Variants in PALB2 observed in about 807,000 individuals in gnomAD.
The protein encoded by PALB2 is mutant partner and localizer of BRCA2.
Under a neutral mutation model 107.4 loss-of-function variants are expected in PALB2, and 82 were observed. The observed-to-expected ratio is 0.76, with a 90% CI of 0.64 to 0.92. The LOEUF is 0.92. Ranked by LOEUF, PALB2 falls within the 40% of genes least tolerant of loss-of-function variation. The probability of loss-of-function intolerance (pLI) is 0.00; values close to 1 mark genes in which losing one functional copy is unlikely to be tolerated. For synonymous variants in PALB2, 489 were observed against 496.8 expected (o/e 0.98, Z 0.21); for missense variants, 1,374 against 1,379.9 (o/e 1.00, Z 0.07).
rs61755166 is a variant in PALB2, at chr16:23,623,084, G to A, written c.2881C>T (p.Leu961=). 1.2e-4 allele frequency: 189 copies of A among 1,613,754 alleles called. 1 individual carries two copies. In the East Asian group the frequency reaches 4.1e-3, roughly 35 times the overall value. Residue 961 remains leucine, a synonymous_variant, in exon 9 of 13, where the codon CTG becomes TTG. Coordinates refer to ENST00000261584, the MANE Select transcript of PALB2 (RefSeq NM_024675.4). ...SDDESEKQVL[L]KSGNIKAVLG... ...ACAGCTTTTATATTTCCAGACTTCA[G>A]TAGTACTTGCTTTTCACTTTCATCA...
chr16:23,631,390 AC>A (rs1407059752), intron 4 of PALB2, among the ~76,000 whole-genome samples: 2 of 151,630 alleles, frequency 1.3e-5, no homozygotes, highest in Non-Finnish European at 2.9e-5. Flanking sequence ...AATCACTTGA[AC>A]CCGGGAGGCA....
intron 9 of PALB2, among the ~76,000 whole-genome samples, chr16:23,622,522 G>C (rs1966790608): frequency 6.6e-6 from 1 of 152,040 alleles, no homozygotes. Context: ...AGACTCCCTA[G>C]TAGCTGGGAC....
At chr16:23,627,743 A>G (rs1966848961) in intron 6 of PALB2, among the ~76,000 whole-genome samples, 1 of 152,224 alleles carries the variant, frequency 6.6e-6, no homozygotes, top group African/African-American at 2.4e-5. Context: ...ACCAAAAACT[A>G]GTTTGTTTGG....
rs1257545151 is a variant in PALB2 at position 23,635,402 on chromosome 16, TAAGA to T, written c.1140_1143del (p.Ser380ArgfsTer43). ...GAAAGAGGAGAGGTTGCTTCCAGGC[TAAGA>T]CTCTTAGGTTGACTTAGAATCTCAC... On this transcript the variant is annotated frameshift_variant, in exon 4 of 13. Coordinates refer to ENST00000261584, the MANE Select transcript of PALB2 (RefSeq NM_024675.4). LOFTEE classifies it high-confidence loss of function. 2 of 1,614,102 alleles carry T rather than the reference TAAGA, an allele frequency of 1.2e-6. No homozygotes were observed. Among genetic ancestry groups the T allele is most frequent in the Non-Finnish European group, 1.7e-6 (2 of 1,180,018 alleles).
intron 10 of PALB2, chr16:23,617,745 A>G (rs933803683): frequency 1.3e-5 from 2 of 152,222 alleles, no homozygotes; most frequent in African/African-American, 4.8e-5. Context: ...CCCTCTCTCA[A>G]AAAAGCAAAA....
chr16:23,635,946 TA>T lies in PALB2; in HGVS notation c.599del (p.Leu200Ter), dbSNP rs587782081. 1.9e-6 allele frequency: 3 copies of T among 1,614,178 alleles called. No homozygotes were observed. The highest frequency in any genetic ancestry group is 2.5e-6 in the Non-Finnish European group (3 of 1,180,036). ...SPVTEIRTHLLSLKSELPDSP... is the reference protein window; with the variant it reads ...SPVTEIRTHLXSLKSELPDSP... ...AATCTGGAAGTTCAGATTTAAGACT[TA>T]AAAGGTGAGTTCTTATTTCAGTTAC... On this transcript the variant is annotated frameshift_variant, in exon 4 of 13. Coordinates refer to ENST00000261584, the MANE Select transcript of PALB2 (RefSeq NM_024675.4). LOFTEE classifies it high-confidence loss of function.
intron 12 of PALB2, among the ~76,000 whole-genome samples, chr16:23,605,367 G>A (rs1271285377): frequency 6.6e-6 from 1 of 152,096 alleles, no homozygotes; most frequent in Non-Finnish European, 1.5e-5. Flanking sequence ...ACAGTCACTA[G>A]TTTTCCCTTC....
At chr16:23,620,484 G>A (rs1353344985) in intron 10 of PALB2, among the ~76,000 whole-genome samples, 1 of 152,108 alleles carries the variant, frequency 6.6e-6, no homozygotes, top group Non-Finnish European at 1.5e-5. Flanking sequence ...GTTGCCTAGT[G>A]CCATTCCCTT....
intron 10 of PALB2, among the ~76,000 whole-genome samples, chr16:23,620,426 A>T (rs1452507775): frequency 6.6e-6 from 1 of 152,182 alleles, no homozygotes; most frequent in East Asian, 1.9e-4. Context: ...CCAGTCACCC[A>T]GTGAGCAGAG....
chr16:23,623,164 G>A (rs2142338442), intron 8 of PALB2, 34 bp from the exon 9 acceptor site: 3 of 1,555,426 alleles, frequency 1.9e-6, no homozygotes, highest in South Asian at 2.2e-5. Context: ...GGGGTGATGT[G>A]AGGAGTAACC....
intron 11 of PALB2, among the ~76,000 whole-genome samples, chr16:23,613,638 C>T (rs1445521837): frequency 6.6e-6 from 1 of 151,010 alleles, no homozygotes; most frequent in African/African-American, 2.4e-5. Context: ...GAGCAAAACT[C>T]CATCCCAAAA....
At chr16:23,629,548 G>T in intron 5 of PALB2, 92 bp downstream of exon 5, 1 of 1,229,680 alleles carries the variant, frequency 8.1e-7, no homozygotes. Context: ...CTTAAACGTG[G>T]AAGGCCCAAT....
chr16:23,611,659 T>C (rs1050738724), intron 11 of PALB2, among the ~76,000 whole-genome samples: 1 of 151,934 alleles, frequency 6.6e-6, no homozygotes, highest in African/African-American at 2.4e-5. Flanking sequence ...GGTTTCACCA[T>C]GTTGGCCAGG....
At chr16:23,629,364 T>C in intron 5 of PALB2, 89 bp from the exon 6 acceptor site, 3 of 1,215,078 alleles carry the variant, frequency 2.5e-6, no homozygotes, top group Non-Finnish European at 3.6e-6. Flanking sequence ...TACTTCGTAT[T>C]GTCTTTATTT....
chr16:23,632,693 T>G (rs513313), intron 4 of PALB2, among the ~76,000 whole-genome samples: 1 of 152,138 alleles, frequency 6.6e-6, no homozygotes, highest in Non-Finnish European at 1.5e-5. Context: ...TGTAAATGTA[T>G]TGACTTGTTC....
intron 4 of PALB2, among the ~76,000 whole-genome samples, chr16:23,633,479 G>A (rs972626545): frequency 2.6e-5 from 4 of 152,152 alleles, no homozygotes; most frequent in Admixed American, 1.3e-4. Context: ...CCCTAGTTTA[G>A]AGCCACAATG....
At chr16:23,604,049 C>T (rs766830915) in intron 12 of PALB2, among the ~76,000 whole-genome samples, 8 of 152,206 alleles carry the variant, frequency 5.3e-5, no homozygotes, top group Non-Finnish European at 1.2e-4. Context: ...TCATTCAGGC[C>T]TGTTATGTCC....
rs1285099815 is a variant in PALB2, at chr16:23,637,955, AGAG to A, written c.109-6_109-4del. On this transcript the variant is annotated splice_polypyrimidine_tract_variant and splice_region_variant and intron_variant, in intron 2 of 12. Transcript: ENST00000261584. ...ATCTTTTCAGCTCTTTGGGCACGCT[AGAG>A]GAGACAAAAACAGCCCCAGAAATAC... 1 of 1,612,746 alleles carries A rather than the reference AGAG, an allele frequency of 6.2e-7. No individual in the cohort carries two copies. Among genetic ancestry groups the A allele is most frequent in the Middle Eastern group, 1.7e-4 (1 of 6,060 alleles).
intron 9 of PALB2, among the ~76,000 whole-genome samples, chr16:23,622,073 A>G (rs1966782382): frequency 6.6e-6 from 1 of 152,234 alleles, no homozygotes; most frequent in African/African-American, 2.4e-5. Context: ...AATAAGCCAA[A>G]GTTCCCTGCC....
Sources: allele counts gnomAD v4.1 joint callset (sites outside exome capture counted in the v4.1 genomes callset), GRCh38; gene constraint gnomAD v4.1.1; transcripts MANE v1.5; gene names NCBI Gene and HGNC (gene_info 2026-07-23, HGNC 2026-07-21).